The following SEMA3A variants were observed in gnomAD, a reference collection of about 807,000 sequenced individuals.
SEMA3A encodes semaphorin-3A.
Under a neutral mutation model 97.9 loss-of-function variants are expected in SEMA3A, and 29 were observed. That is an observed-to-expected ratio of 0.30 (90% CI 0.22 to 0.40). The LOEUF is 0.40. Ranked by LOEUF, SEMA3A falls within the 10% of genes least tolerant of loss-of-function variation. SEMA3A has a pLI of 1.00. For missense variants in SEMA3A, 763 were observed against 951.3 expected, an observed-to-expected ratio of 0.80 and a Z score of 2.60; for synonymous variants, 321 against 323.7, an observed-to-expected ratio of 0.99 and a Z score of 0.09.
chr7:84,085,257 G>T (rs1043347537), intron 4 of SEMA3A, among the ~76,000 whole-genome samples: 1 of 150,560 alleles, frequency 6.6e-6, no homozygotes, highest in Admixed American at 6.6e-5. Context: ...TTTTCTAACT[G>T]CATCAATGGA....
At chr7:84,097,937 A>ACTTATGAAATTTCCAAAT (rs1794825747) in intron 4 of SEMA3A, among the ~76,000 whole-genome samples, 1 of 152,122 alleles carries the variant, frequency 6.6e-6, no homozygotes, top group African/African-American at 2.4e-5. Context: ...ATTTCCAAAG[A>ACTTATGAAATTTCCAAAT]TTCATAAGTA....
intron 12 of SEMA3A, among the ~76,000 whole-genome samples, chr7:83,990,310 C>T (rs1306061514): frequency 2.0e-5 from 3 of 152,108 alleles, no homozygotes; most frequent in South Asian, 2.1e-4. Flanking sequence ...TGTGCAGAAG[C>T]TCTTTAGTTT....
intron 1 of SEMA3A, among the ~76,000 whole-genome samples, chr7:84,484,059 A>G: frequency 6.6e-6 from 1 of 151,992 alleles, no homozygotes; most frequent in East Asian, 1.9e-4. Context: ...AAAAGAAAAA[A>G]AAAAAAAGAA....
At chr7:84,026,090 C>T (rs1047821956) in intron 6 of SEMA3A, among the ~76,000 whole-genome samples, 4 of 152,122 alleles carry the variant, frequency 2.6e-5, no homozygotes, top group African/African-American at 7.2e-5. Context: ...CCAAAAGCAA[C>T]GGTTCGTAGT....
rs1361193532 is a variant in SEMA3A at position 84,289,892 on chromosome 7, G to A, written c.-83+17315C>T. Among the ~76,000 whole-genome samples the A allele has an allele frequency of 7.2e-5, 11 of 152,098 alleles. No individual in the cohort carries two copies. In the East Asian group the frequency reaches 1.9e-3, roughly 27 times the overall value. On this transcript the variant is annotated intron_variant, in intron 3 of 3. Transcript: ENST00000424555. ...AAATGGCCATTGATTGATAAATGGT[G>A]TATAAATTGTGGCATATCCATTCAA...
intron 1 of SEMA3A, among the ~76,000 whole-genome samples, chr7:84,186,024 G>A (rs1797873453): frequency 1.3e-5 from 2 of 152,096 alleles, no homozygotes; most frequent in Admixed American, 1.3e-4. Context: ...ACTCTATGAA[G>A]TTCCTAGCCT....
At chr7:84,468,557 T>C (rs1422457966) in intron 1 of SEMA3A, among the ~76,000 whole-genome samples, 2 of 152,186 alleles carry the variant, frequency 1.3e-5, no homozygotes, top group Non-Finnish European at 2.9e-5. Flanking sequence ...CTTGTTGTTA[T>C]CAACTATTAA....
In SEMA3A at chr7:84,268,150, T is replaced by C. The variant is rs757577919; in HGVS notation, c.-83+39057A>G. Among the ~76,000 whole-genome samples the C allele has an allele frequency of 5.3e-5, 8 of 152,018 alleles. No homozygotes were observed. The East Asian group carries it at 1.4e-3, about 26-fold the overall frequency. ...GTGGGGGCTGCATGTCATTAAACAATGGATATGGTACCTTTTCCTTACGGC... is the reference window on the plus strand; with the variant it reads ...GTGGGGGCTGCATGTCATTAAACAACGGATATGGTACCTTTTCCTTACGGC... On this transcript the variant is annotated intron_variant, in intron 3 of 3. Transcript: ENST00000424555.
At chr7:84,098,815 T>C (rs967979398) in intron 4 of SEMA3A, among the ~76,000 whole-genome samples, 2 of 152,138 alleles carry the variant, frequency 1.3e-5, no homozygotes, top group Non-Finnish European at 2.9e-5. Flanking sequence ...ACAGATGATA[T>C]ACTGGCTGTG....
intron 2 of SEMA3A, among the ~76,000 whole-genome samples, chr7:84,334,699 T>C (rs1801993977): frequency 6.7e-6 from 1 of 149,096 alleles, no homozygotes; most frequent in South Asian, 2.1e-4. Context: ...TCCCTTTTAC[T>C]ACCTCCCTTT....
intron 1 of SEMA3A, among the ~76,000 whole-genome samples, chr7:84,437,112 G>T (rs1246284502): frequency 6.6e-6 from 1 of 151,970 alleles, no homozygotes; most frequent in Non-Finnish European, 1.5e-5. Context: ...AAGATCACAA[G>T]CGTTTTTACA....
At chr7:84,191,881 C>A (rs1798050818) in intron 1 of SEMA3A, among the ~76,000 whole-genome samples, 1 of 151,778 alleles carries the variant, frequency 6.6e-6, no homozygotes, top group Non-Finnish European at 1.5e-5. Flanking sequence ...TATTCAATTC[C>A]TTTTTCCTAG....
At chr7:84,232,875 C>T (rs953776195) in intron 3 of SEMA3A, among the ~76,000 whole-genome samples, 6 of 151,926 alleles carry the variant, frequency 3.9e-5, no homozygotes, top group African/African-American at 1.4e-4. Flanking sequence ...AAGATTCTTC[C>T]CATGAGTCTG....
At chr7:84,222,903 G>A (rs1333229857) in intron 3 of SEMA3A, among the ~76,000 whole-genome samples, 2 of 151,880 alleles carry the variant, frequency 1.3e-5, no homozygotes, top group Non-Finnish European at 2.9e-5. Context: ...ATCCAAAGAT[G>A]TAGAACATAA....
chr7:83,962,758 C>T (rs1022274886), intron 16 of SEMA3A, among the ~76,000 whole-genome samples: 1 of 152,104 alleles, frequency 6.6e-6, no homozygotes, highest in Non-Finnish European at 1.5e-5. Context: ...AAATCCATCA[C>T]CCTACATCTA....
Position 84,007,339 on chromosome 7 carries a change from C to T in SEMA3A, c.1140+14G>A, listed in dbSNP as rs1355858314. ...ATATATTCATTTCATATTTTAAACA[C>T]CTAAGCTACTTACAGTTCCTGGCCG... On this transcript the variant is annotated intron_variant, in intron 10 of 16. Coordinates refer to ENST00000265362, the MANE Select transcript of SEMA3A (RefSeq NM_006080.3). The T allele has an allele frequency of 6.3e-7, 1 of 1,586,564 alleles. No homozygotes were observed. Among genetic ancestry groups the T allele is most frequent in the Non-Finnish European group, 8.6e-7 (1 of 1,167,210 alleles).
At chr7:84,415,636 A>G (rs1395392037) in intron 1 of SEMA3A, among the ~76,000 whole-genome samples, 1 of 152,132 alleles carries the variant, frequency 6.6e-6, no homozygotes, top group African/African-American at 2.4e-5. Flanking sequence ...TAATTTGCTA[A>G]TCTTCCAACT....
intron 12 of SEMA3A, among the ~76,000 whole-genome samples, chr7:83,994,053 C>T (rs895706598): frequency 1.3e-5 from 2 of 150,514 alleles, no homozygotes; most frequent in East Asian, 2.0e-4. Context: ...CTTCTCGCCT[C>T]ATTTCATTCA....
intron 4 of SEMA3A, among the ~76,000 whole-genome samples, chr7:84,093,419 C>A (rs918302343): frequency 6.6e-6 from 1 of 152,032 alleles, no homozygotes; most frequent in African/African-American, 2.4e-5. Flanking sequence ...GGAACTTGTT[C>A]TGAAGAAGTA....
Sources: gnomAD v4.1 joint callset for allele counts (sites outside exome capture counted in the v4.1 genomes callset) on GRCh38, gnomAD v4.1.1 for gene constraint, MANE v1.5 for transcripts, NCBI Gene and HGNC (gene_info 2026-07-23, HGNC 2026-07-21) for gene names.